The following TP63 variants were observed in gnomAD, a reference collection of about 807,000 sequenced individuals.
The protein encoded by TP63 is tumor protein p63.
Under a neutral mutation model 82.8 loss-of-function variants are expected in TP63, and 17 were observed. That is an observed-to-expected ratio of 0.21 (90% confidence interval 0.14 to 0.31). The LOEUF is 0.31. Among genes scored for constraint, TP63 ranks in the 10% least tolerant of loss-of-function variants. The probability of loss-of-function intolerance (pLI) is 1.00; values close to 1 mark genes in which losing one functional copy is unlikely to be tolerated. For missense variants in TP63, 648 were observed against 895.3 expected (o/e 0.72, Z 3.52); for synonymous variants, 330 against 321.7 (o/e 1.03, Z -0.28).
chr3:189,695,460 A>G (rs1717304110), intron 1 of TP63, among the ~76,000 whole-genome samples: 1 of 152,176 alleles, frequency 6.6e-6, no homozygotes, highest in Non-Finnish European at 1.5e-5. Flanking sequence ...TTATCCAAGG[A>G]TCTCTGGTTT....
At chr3:189,621,657 C>T in the TP63 span, among the ~76,000 whole-genome samples, 2 of 152,008 alleles carry the variant, frequency 1.3e-5, no homozygotes, top group Non-Finnish European at 2.9e-5. Context: ...TTTATTCTCT[C>T]TCTTCTCATA....
At position 189,719,973 on chromosome 3, in the gene TP63, A is replaced by T. The variant is rs1719258188; in HGVS notation, c.63-17767A>T. ...TTTATTCTGTTTCTAAAAGGATATT[A>T]AAGAAGATCCAGTTAGTAATCTTCA... is the stretch of plus-strand genomic sequence containing the variant. On this transcript the variant is annotated intron_variant, in intron 1 of 13. Transcript: ENST00000264731. Among the ~76,000 whole-genome samples, 2 of 152,344 alleles carry T rather than the reference A, an allele frequency of 1.3e-5. 1 individual carries two copies. The highest frequency in any genetic ancestry group is 4.1e-4 in the South Asian group (2 of 4,830).
intron 1 of TP63, among the ~76,000 whole-genome samples, chr3:189,726,562 G>C (rs1027469233): frequency 6.6e-6 from 1 of 152,078 alleles, no homozygotes; most frequent in East Asian, 1.9e-4. Flanking sequence ...TATGAATTGG[G>C]TCACCATCCC....
intron 10 of TP63, among the ~76,000 whole-genome samples, chr3:189,877,036 G>T (rs1268739139): frequency 6.6e-6 from 1 of 152,130 alleles, no homozygotes; most frequent in African/African-American, 2.4e-5. Flanking sequence ...TTCCCACTAT[G>T]TGTTTTCTTC....
At chr3:189,870,272 C>G (rs1211137787) in intron 9 of TP63, among the ~76,000 whole-genome samples, 2 of 152,044 alleles carry the variant, frequency 1.3e-5, no homozygotes, top group African/African-American at 4.8e-5. Context: ...TCTGCCTGTT[C>G]CATATCTGCA....
At position 189,869,484 on chromosome 3, in the gene TP63, C is replaced by T. The variant is rs1297760975; in HGVS notation, c.1212+78C>T. The T allele has an allele frequency of 1.1e-5, 15 of 1,329,204 alleles. 1 individual carries two copies. The East Asian group carries it at 3.1e-4, about 28-fold the overall frequency. 82.3% of individuals were successfully genotyped at this position (1,329,204 alleles called of 1,614,324 possible). A position where few individuals can be genotyped will look rare whatever the true frequency, so the allele number is the denominator to read the frequency against. ...GGCTTTTACAGTATGATCATCATCT[C>T]ATTATCTGTGACAATGGGAAAGGAG... On this transcript the variant is annotated intron_variant, in intron 9 of 13. Transcript: ENST00000264731.
chr3:189,672,003 T>A (rs1389725011), intron 1 of TP63, among the ~76,000 whole-genome samples: 2 of 152,132 alleles, frequency 1.3e-5, no homozygotes, highest in Non-Finnish European at 2.9e-5. Flanking sequence ...TAGCTAATGA[T>A]AATGTAGTGT....
At chr3:189,881,184 G>A (rs1397546147) in intron 10 of TP63, 4 of 982,572 alleles carry the variant, frequency 4.1e-6, no homozygotes, top group East Asian at 1.1e-4. Context: ...GGAGACTTAC[G>A]TTTTGAGTAA....
At chr3:189,750,105 C>G (rs970462786) in intron 3 of TP63, among the ~76,000 whole-genome samples, 1 of 127,234 alleles carries the variant, frequency 7.9e-6, no homozygotes, top group Non-Finnish European at 1.6e-5. Flanking sequence ...GCCTGGGTGA[C>G]AGGGTGAGAC....
chr3:189,631,880 A>G lies in TP63; in HGVS notation c.62+303A>G, dbSNP rs974307025. ...GCCTTGTTCAGCACCTACTCACTCAATAAGAAATTTCACTGGGCAGGGATA... is the reference window on the plus strand; with the variant it reads ...GCCTTGTTCAGCACCTACTCACTCAGTAAGAAATTTCACTGGGCAGGGATA... On this transcript the variant is annotated intron_variant, in intron 1 of 13. Transcript: ENST00000264731. Among the ~76,000 whole-genome samples the G allele has an allele frequency of 2.0e-5, 3 of 152,152 alleles. No homozygotes were observed. In the South Asian group the frequency reaches 6.2e-4, roughly 31 times the overall value.
chr3:189,622,727 A>G, the TP63 span, among the ~76,000 whole-genome samples: 1 of 152,206 alleles, frequency 6.6e-6, no homozygotes, highest in Non-Finnish European at 1.5e-5. Flanking sequence ...GGTCCATTAC[A>G]GGCCACAGCG....
chr3:189,623,548 T>C, the TP63 span, among the ~76,000 whole-genome samples: 1 of 152,164 alleles, frequency 6.6e-6, no homozygotes, highest in East Asian at 1.9e-4. Flanking sequence ...TTGATTCTAC[T>C]GGGATCTATT....
At chr3:189,850,895 G>T (rs948783214) in intron 4 of TP63, among the ~76,000 whole-genome samples, 3 of 152,250 alleles carry the variant, frequency 2.0e-5, no homozygotes, top group Middle Eastern at 3.4e-3. Flanking sequence ...AATATGAATT[G>T]TGTGATTTAT....
At chr3:189,664,630 A>G (rs1488659633) in intron 1 of TP63, among the ~76,000 whole-genome samples, 1 of 152,140 alleles carries the variant, frequency 6.6e-6, no homozygotes, top group Non-Finnish European at 1.5e-5. Context: ...ATCAAATTTC[A>G]GTAAAATGTG....
At chr3:189,680,747 G>A (rs1045331513) in intron 1 of TP63, among the ~76,000 whole-genome samples, 2 of 152,190 alleles carry the variant, frequency 1.3e-5, no homozygotes, top group African/African-American at 4.8e-5. Context: ...CCTGGTGACT[G>A]GGTATGCTGA....
intron 5 of TP63, among the ~76,000 whole-genome samples, chr3:189,865,667 TA>T (rs1173480661): frequency 6.6e-6 from 1 of 151,994 alleles, no homozygotes; most frequent in Non-Finnish European, 1.5e-5. Flanking sequence ...AAGAAGAAAA[TA>T]AAGTCAAAAT....
intron 3 of TP63, among the ~76,000 whole-genome samples, chr3:189,746,189 A>C (rs955647664): frequency 1.3e-5 from 2 of 152,086 alleles, no homozygotes; most frequent in Admixed American, 1.3e-4. Context: ...GTCACTTATA[A>C]AGAGACCCCC....
intron 4 of TP63, among the ~76,000 whole-genome samples, chr3:189,851,530 G>A (rs974462170): frequency 1.3e-5 from 2 of 152,118 alleles, no homozygotes; most frequent in Admixed American, 6.5e-5. Context: ...AGACAGGATC[G>A]CGCCACTGCA....
intron 1 of TP63, among the ~76,000 whole-genome samples, chr3:189,654,486 A>C (rs1449752534): frequency 6.6e-6 from 1 of 152,208 alleles, no homozygotes; most frequent in Non-Finnish European, 1.5e-5. Context: ...TAAGGAGTAA[A>C]AAATAAACAC....
Sources: allele counts gnomAD v4.1 joint callset (sites outside exome capture counted in the v4.1 genomes callset), GRCh38; gene constraint gnomAD v4.1.1; transcripts MANE v1.5; gene names NCBI Gene and HGNC (gene_info 2026-07-23, HGNC 2026-07-21).